Variants in TENT4A observed in about 807,000 individuals in gnomAD.
TENT4A encodes the protein DNA polymerase kappa.
In TENT4A, 7 loss-of-function variants were observed where a neutral mutation model predicts 72.8. That is an observed-to-expected ratio of 0.10 (90% CI 0.05 to 0.18). The LOEUF (loss-of-function observed/expected upper bound fraction) is 0.18. Ranked by LOEUF, TENT4A falls within the 10% of genes least tolerant of loss-of-function variation. The pLI is 1.00. For missense variants in TENT4A, 831 were observed against 1,017.7 expected, an observed-to-expected ratio of 0.82 and a Z score of 2.50; for synonymous variants, 456 against 434.3, an observed-to-expected ratio of 1.05 and a Z score of -0.62.
chr5:6,731,802 C>T (rs927845870), intron 1 of TENT4A, among the ~76,000 whole-genome samples: 1 of 152,160 alleles, frequency 6.6e-6, no homozygotes, highest in African/African-American at 2.4e-5. Context: ...CTTTGACCAT[C>T]ACTTTGCTTA....
At chr5:6,748,278 C>G (rs1345475502) in intron 7 of TENT4A, among the ~76,000 whole-genome samples, 186 bp from the exon 8 acceptor site, 1 of 152,248 alleles carries the variant, frequency 6.6e-6, no homozygotes, top group Non-Finnish European at 1.5e-5. Context: ...TGGTGATTGA[C>G]AGGGCCTTTG....
At position 6,755,488 on chromosome 5, in the gene TENT4A, A is replaced by C. The variant is rs1307984687; in HGVS notation, c.*543A>C. On this transcript the variant is annotated 3_prime_UTR_variant, in exon 13 of 13. Coordinates refer to ENST00000230859, the MANE Select transcript of TENT4A (RefSeq NM_006999.6). ...TTATTTAATTTCCTATTTTCACATA[A>C]GTTATATTTAAGGGAGGAGGGAATT... The C allele has an allele frequency of 2.0e-5, 3 of 152,670 alleles. No homozygotes were observed. Among genetic ancestry groups the C allele is most frequent in the African/African-American group, 7.2e-5 (3 of 41,458 alleles). The allele number at this position is 152,670 out of a possible 1,614,324, so 9.5% of individuals were successfully genotyped here. A position where few individuals can be genotyped will look rare whatever the true frequency, so the allele number is the denominator to read the frequency against.
intron 1 of TENT4A, among the ~76,000 whole-genome samples, chr5:6,721,534 G>A (rs542804629): frequency 6.6e-6 from 1 of 152,318 alleles, no homozygotes; most frequent in Non-Finnish European, 1.5e-5. Context: ...GGAGAAGTAT[G>A]GAGGTGAGTT....
In TENT4A at chr5:6,743,555, G is replaced by A. The variant is rs187665587; in HGVS notation, c.1117-157G>A. On this transcript the variant is annotated intron_variant, in intron 5 of 12. Transcript: ENST00000230859. ...GCCCCTCAGGAAATTAATTCTTAGCGTCCCCCAACCAAAGTTTGAGACTTA... is the reference window on the plus strand; with the variant it reads ...GCCCCTCAGGAAATTAATTCTTAGCATCCCCCAACCAAAGTTTGAGACTTA... Among the ~76,000 whole-genome samples the A allele has an allele frequency of 2.0e-4, 30 of 152,246 alleles. No individual in the cohort carries two copies. In the East Asian group the frequency reaches 4.4e-3, roughly 23 times the overall value.
chr5:6,727,405 G>A lies in TENT4A; in HGVS notation c.717-10105G>A, dbSNP rs1238440645. Among the ~76,000 whole-genome samples, 3 of 152,244 alleles carry A rather than the reference G, an allele frequency of 2.0e-5. No individual in the cohort carries two copies. In the East Asian group the frequency reaches 5.8e-4, roughly 29 times the overall value. On this transcript the variant is annotated intron_variant, in intron 1 of 12. Coordinates refer to ENST00000230859, the MANE Select transcript of TENT4A (RefSeq NM_006999.6). ...GGCTCTGCATCCTGACCTTCTGAGGGCTTGGTCCTTTAGGTCCATCTTGAA... is the reference window on the plus strand; with the variant it reads ...GGCTCTGCATCCTGACCTTCTGAGGACTTGGTCCTTTAGGTCCATCTTGAA...
Position 6,719,066 on chromosome 5 carries a change from CAG to C in TENT4A, c.716+4368_716+4369del, listed in dbSNP as rs1300405623. On this transcript the variant is annotated intron_variant, in intron 1 of 12. Transcript: ENST00000230859. ...CTGCTGTGAGCGTGTGATGGAACAA[CAG>C]TGTCATTTGCTTTTTCTCAGAAATA... Among the ~76,000 whole-genome samples the C allele has an allele frequency of 2.6e-5, 4 of 151,868 alleles. No homozygotes were observed. The East Asian group carries it at 7.7e-4, about 29-fold the overall frequency.
rs966767181 is a variant in TENT4A, at chr5:6,714,236, C to T, written c.253C>T (p.Pro85Ser). 1.0e-4 allele frequency: 102 copies of T among 1,008,122 alleles called. No individual in the cohort carries two copies. The highest frequency in any genetic ancestry group is 1.2e-4 in the Non-Finnish European group (99 of 846,838). The allele number at this position is 1,008,122 out of a possible 1,614,324, so 62.4% of individuals were successfully genotyped here. The stretch of plus-strand genomic sequence containing the variant: ...CGGCCCCACCGCGCCCGCCGCGCTG[C>T]CCCCCGCGCTGCTGACGGCGCTGGG... ...PPGPTAPAAL[P>S]PALLTALGPA... is the part of the protein sequence containing the mutation. The change falls in exon 1 of 13, where the codon CCC becomes TCC. Residue 85 changes from proline (P) to serine (S), a missense_variant. Around this residue, in one of 3 missense-constraint regions of TENT4A, gnomAD observed 302 missense variants for 293.8 expected, o/e 1.03. Coordinates refer to ENST00000230859, the MANE Select transcript of TENT4A (RefSeq NM_006999.6).
At chr5:6,715,211 A>C (rs746337698) in intron 1 of TENT4A, 6 of 152,220 alleles carry the variant, frequency 3.9e-5, no homozygotes, top group African/African-American at 1.4e-4. Flanking sequence ...GTGTCCTTTA[A>C]TTTTGTGCTG....
intron 1 of TENT4A, among the ~76,000 whole-genome samples, chr5:6,730,263 G>A (rs947755957): frequency 6.6e-6 from 1 of 152,152 alleles, no homozygotes; most frequent in East Asian, 1.9e-4. Flanking sequence ...ACCTGCTCCA[G>A]GATCCTATGT....
At chr5:6,736,832 T>C (rs1456448571) in intron 1 of TENT4A, among the ~76,000 whole-genome samples, 1 of 152,226 alleles carries the variant, frequency 6.6e-6, no homozygotes, top group African/African-American at 2.4e-5. Flanking sequence ...CCCACAGGCA[T>C]TTGGGTGTTG....
rs181699901 is a variant in TENT4A, at chr5:6,740,684, C to T, written c.1008+832C>T. ...GAAAAGTGCACATGTACCAGGTGCA[C>T]CTCTTGGTGAGAGTTAACGAAGTGC... On this transcript the variant is annotated intron_variant, in intron 4 of 12. Transcript: ENST00000230859. Among the ~76,000 whole-genome samples, 3 of 152,328 alleles carry T rather than the reference C, an allele frequency of 2.0e-5. No individual in the cohort carries two copies. In the East Asian group the frequency reaches 5.8e-4, roughly 29 times the overall value.
At chr5:6,753,572 G>T (rs1309573365) in intron 12 of TENT4A, among the ~76,000 whole-genome samples, 4 of 152,220 alleles carry the variant, frequency 2.6e-5, no homozygotes, top group Admixed American at 2.6e-4. Context: ...GAGGAAACAG[G>T]TCACGTTAAG....
At chr5:6,739,939 G>T in intron 4 of TENT4A, 87 bp downstream of exon 4, 1 of 1,338,844 alleles carries the variant, frequency 7.5e-7, no homozygotes, top group Non-Finnish European at 1.1e-6. Context: ...TCACGAGCTT[G>T]TGGTATTTTA....
chr5:6,734,801 T>C (rs930982399), intron 1 of TENT4A, among the ~76,000 whole-genome samples: 2 of 152,142 alleles, frequency 1.3e-5, no homozygotes, highest in Non-Finnish European at 2.9e-5. Flanking sequence ...GCCATTAATC[T>C]CTCCTGATTT....
Position 6,738,727 on chromosome 5 carries a change from T to C in TENT4A, c.885T>C (p.Thr295=), listed in dbSNP as rs1369378862. The C allele has an allele frequency of 1.2e-6, 2 of 1,610,366 alleles. No individual in the cohort carries two copies. Residue 295 remains threonine, a splice_region_variant and synonymous_variant, in exon 3 of 13, where the codon ACT becomes ACC. Coordinates refer to ENST00000230859, the MANE Select transcript of TENT4A (RefSeq NM_006999.6). ...TTAGTACAGGTCTTTATCTTCCAACTAGGTGAGTACCAGACTGCATGGCAT... is the reference window on the plus strand; with the variant it reads ...TTAGTACAGGTCTTTATCTTCCAACCAGGTGAGTACCAGACTGCATGGCAT... ...GSFSTGLYLP[T]SDIDLVVFGK... is the part of the protein sequence containing the mutation.
intron 10 of TENT4A, 101 bp from the exon 11 acceptor site, chr5:6,750,938 T>C: frequency 7.6e-7 from 1 of 1,317,968 alleles, no homozygotes; most frequent in East Asian, 2.3e-5. Context: ...TAACCTTTCA[T>C]AGCCAGCCTG....
chr5:6,732,798 A>G (rs527843483), intron 1 of TENT4A, among the ~76,000 whole-genome samples: 14 of 152,294 alleles, frequency 9.2e-5, no homozygotes, highest in African/African-American at 3.1e-4. Flanking sequence ...TGAATCATTA[A>G]GAGTTTGCTC....
chr5:6,751,739 A>G (rs1288204489), intron 11 of TENT4A, among the ~76,000 whole-genome samples: 2 of 152,242 alleles, frequency 1.3e-5, no homozygotes, highest in East Asian at 1.9e-4. Context: ...TTTTGTATCT[A>G]CTTGCGATTA....
chr5:6,723,891 C>T (rs1293411918), intron 1 of TENT4A, among the ~76,000 whole-genome samples: 1 of 152,206 alleles, frequency 6.6e-6, no homozygotes, highest in Non-Finnish European at 1.5e-5. Context: ...AGTGTGGAAG[C>T]GGGATTTCTG....
Sources: gnomAD v4.1 joint callset for allele counts (sites outside exome capture counted in the v4.1 genomes callset) on GRCh38, gnomAD v4.1.1 for gene constraint, gnomAD v4.1.1 regional missense constraint, MANE v1.5 for transcripts, NCBI Gene and HGNC (gene_info 2026-07-23, HGNC 2026-07-21) for gene names.